PUM1: variants seen among roughly 807,000 people sequenced by gnomAD.
The protein encoded by PUM1 is pumilio homolog 1.
PUM1 carries 13 observed loss-of-function variants against 131.8 expected under a neutral mutation model. The ratio of observed to expected loss-of-function variants is 0.10; its 90% CI spans 0.06 to 0.16. The LOEUF is 0.16. Among genes scored for constraint, PUM1 ranks in the 10% least tolerant of loss-of-function variants. The pLI is 1.00. For synonymous variants in PUM1, 509 were observed against 556.5 expected (o/e 0.91, Z 1.20); for missense variants, 961 against 1,512.4 (o/e 0.64, Z 6.05).
intron 14 of PUM1, among the ~76,000 whole-genome samples, chr1:30,960,735 G>C (rs1420539392): frequency 1.3e-5 from 2 of 152,090 alleles, no homozygotes; most frequent in African/African-American, 4.8e-5. Flanking sequence ...AATGGTGCTA[G>C]GACAACTAGA....
chr1:30,947,922 G>GGCT (rs1174343520), intron 17 of PUM1, among the ~76,000 whole-genome samples: 1 of 146,618 alleles, frequency 6.8e-6, no homozygotes, highest in Admixed American at 6.9e-5. Context: ...CTGTCACCCA[G>GGCT]GCTGCTCACT....
chr1:30,936,985 C>G, intron 20 of PUM1, 150 bp from the exon 21 acceptor site: 1 of 657,364 alleles, frequency 1.5e-6, no homozygotes, highest in South Asian at 2.0e-5. Flanking sequence ...CTGTCTGACT[C>G]TCTCAGTCTC....
In PUM1 at chr1:30,933,350, G is replaced by A. The variant is rs780370626; in HGVS notation, c.3436-8C>T. On this transcript the variant is annotated splice_region_variant and splice_polypyrimidine_tract_variant and intron_variant, in intron 21 of 21. Transcript: ENST00000426105. ...TGCGATGTGGGGCCGGATCTGGGGA[G>A]GAAAGACAGTCTGTGTTACATGGCC... is the stretch of plus-strand genomic sequence containing the variant. 5.0e-6 allele frequency: 8 copies of A among 1,610,914 alleles called. No individual in the cohort carries two copies. Among genetic ancestry groups the A allele is most frequent in the South Asian group, 1.1e-5 (1 of 91,016 alleles).
At chr1:30,971,109 A>G (rs561697776) in intron 10 of PUM1, among the ~76,000 whole-genome samples, 1 of 152,350 alleles carries the variant, frequency 6.6e-6, no homozygotes, top group Non-Finnish European at 1.5e-5. Flanking sequence ...TGGAAACAAA[A>G]TATACAGTTT....
chr1:31,065,351 C>T (rs1644459881), intron 1 of PUM1, among the ~76,000 whole-genome samples: 1 of 152,192 alleles, frequency 6.6e-6, no homozygotes, highest in Non-Finnish European at 1.5e-5. Flanking sequence ...CGTCTACGCC[C>T]TGGGCTCGGG....
At position 31,051,302 on chromosome 1, in the gene PUM1, A is replaced by AT. The variant is rs35765126; in HGVS notation, c.363+7901dup. Reference sequence around the variant, plus strand: ...GAGTCAAAATATATTCATCCACTGAATTTTTTTTTTTTTTTTTTGAGACGG... The same window carrying AT: ...GAGTCAAAATATATTCATCCACTGAATTTTTTTTTTTTTTTTTTTGAGACGG... On this transcript the variant is annotated intron_variant, in intron 2 of 21. Coordinates refer to ENST00000426105, the MANE Select transcript of PUM1 (RefSeq NM_001020658.2). Among the ~76,000 whole-genome samples, 792 of 140,900 alleles carry AT rather than the reference A, an allele frequency of 5.6e-3. 1 individual carries two copies. The highest frequency in any genetic ancestry group is 8.8e-3 in the African/African-American group (341 of 38,586). The allele number at this position is 140,900 out of a possible 152,430, so 92.4% of individuals were successfully genotyped here.
intron 17 of PUM1, chr1:30,949,061 C>G: frequency 4.4e-6 from 2 of 452,226 alleles, no homozygotes; most frequent in South Asian, 3.1e-5. Flanking sequence ...CCACTGCCAA[C>G]ACCAGTGCAG....
At chr1:30,952,702 G>GGGGGGGGGGGGGGGGGC (rs1639995774) in intron 15 of PUM1, among the ~76,000 whole-genome samples, 1 of 70,610 alleles carries the variant, frequency 1.4e-5, no homozygotes, top group African/African-American at 4.8e-5. Flanking sequence ...GGCGGGAGGG[G>GGGGGGGGGGGGGGGGGC]CAGGGGTGCA....
intron 2 of PUM1, among the ~76,000 whole-genome samples, chr1:31,054,965 G>A (rs1330836208): frequency 6.6e-6 from 1 of 152,144 alleles, no homozygotes; most frequent in East Asian, 1.9e-4. Context: ...TGGTAACAAA[G>A]CCTCAGTTTC....
chr1:30,992,480 C>G lies in PUM1; in HGVS notation c.1068G>C (p.Glu356Asp). Residue 356 changes from glutamate (E) to aspartate (D), a missense_variant, in exon 7 of 22, where the codon GAG (glutamate) becomes GAC (aspartate). Coordinates refer to ENST00000426105, the MANE Select transcript of PUM1 (RefSeq NM_001020658.2). ...PLDPMEHVGM[E>D]PLQFDYSGTQ... The stretch of plus-strand genomic sequence containing the variant: ...TGCCTGAATAATCAAACTGAAGAGG[C>G]TCCATGCCCACATGTTCCATGGGGT... The G allele has an allele frequency of 6.2e-7, 1 of 1,614,220 alleles. No homozygotes were observed. The highest frequency in any genetic ancestry group is 8.5e-7 in the Non-Finnish European group (1 of 1,180,032).
At chr1:30,959,604 C>T (rs1048959762) in intron 14 of PUM1, among the ~76,000 whole-genome samples, 12 of 151,902 alleles carry the variant, frequency 7.9e-5, no homozygotes, top group Non-Finnish European at 1.2e-4. Flanking sequence ...GCCACATGAT[C>T]GTCAATTAAT....
chr1:30,944,070 A>G (rs1639569170), intron 18 of PUM1, among the ~76,000 whole-genome samples: 1 of 152,152 alleles, frequency 6.6e-6, no homozygotes, highest in Non-Finnish European at 1.5e-5. Context: ...TTTTTGTTGT[A>G]TAATTCCATA....
chr1:31,040,231 T>C (rs978196155), intron 2 of PUM1, among the ~76,000 whole-genome samples: 11 of 152,300 alleles, frequency 7.2e-5, no homozygotes, highest in Middle Eastern at 3.4e-3. Flanking sequence ...AGAATCTCTT[T>C]ATTGAAACAG....
intron 2 of PUM1, among the ~76,000 whole-genome samples, chr1:31,033,819 A>AT (rs937856714): frequency 1.3e-5 from 2 of 151,818 alleles, no homozygotes; most frequent in African/African-American, 4.8e-5. Context: ...ATTGTTTTTA[A>AT]TTTTTTTGTA....
chr1:30,955,874 C>T (rs1050576362), intron 14 of PUM1, among the ~76,000 whole-genome samples: 3 of 152,190 alleles, frequency 2.0e-5, no homozygotes, highest in Admixed American at 2.0e-4. Flanking sequence ...AAAATATTTA[C>T]TTAGTATTTG....
chr1:31,005,951 G>C lies in PUM1; in HGVS notation c.622C>G (p.Leu208Val). ...CCCCCACTCTCCGATCGTGGGGACA[G>C]TACAGAATTGACCTCACTGTTCACA... ...FHVNSEVNSVLSPRSESGGLG... is the reference protein window; with the variant it reads ...FHVNSEVNSVVSPRSESGGLG... The change falls in exon 5 of 22, where the codon CTG becomes GTG. Residue 208 changes from leucine (L) to valine (V), a missense_variant. Around this residue, in one of 4 missense-constraint regions of PUM1, gnomAD observed 654 missense variants for 923.9 expected, o/e 0.71. Coordinates refer to ENST00000426105, the MANE Select transcript of PUM1 (RefSeq NM_001020658.2). The C allele has an allele frequency of 6.2e-7, 1 of 1,613,838 alleles. No individual in the cohort carries two copies. Among genetic ancestry groups the C allele is most frequent in the Non-Finnish European group, 8.5e-7 (1 of 1,179,848 alleles).
intron 19 of PUM1, among the ~76,000 whole-genome samples, chr1:30,941,742 T>C (rs1351209099): frequency 6.6e-6 from 1 of 152,200 alleles, no homozygotes; most frequent in Non-Finnish European, 1.5e-5. Context: ...GGATTAAATG[T>C]CTACCTAAGG....
chr1:31,022,714 C>A (rs910844956), intron 3 of PUM1, among the ~76,000 whole-genome samples: 2 of 152,146 alleles, frequency 1.3e-5, no homozygotes, highest in Non-Finnish European at 2.9e-5. Flanking sequence ...AGTCATTAAC[C>A]TAAAATAAGC....
rs1392522233 is a variant in PUM1 at position 30,941,174 on chromosome 1, T to C, written c.3219A>G (p.Val1073=). Residue 1073 remains valine, a synonymous_variant, in exon 20 of 22, where the codon GTA becomes GTG. Coordinates refer to ENST00000426105, the MANE Select transcript of PUM1 (RefSeq NM_001020658.2). ...ACCTTGCAAATTTGTGCTGACTCAA[T>C]ACAAGTACATTGCCTCGGATTTCTG... The part of the protein sequence containing the change: ...IVAEIRGNVL[V]LSQHKFASNV... 5.0e-6 allele frequency: 8 copies of C among 1,613,674 alleles called. No homozygotes were observed. Among genetic ancestry groups the C allele is most frequent in the Non-Finnish European group, 6.8e-6 (8 of 1,179,806 alleles).
Sources: allele counts gnomAD v4.1 joint callset (sites outside exome capture counted in the v4.1 genomes callset), GRCh38; gene constraint gnomAD v4.1.1; regional missense constraint gnomAD v4.1.1; transcripts MANE v1.5; gene names NCBI Gene and HGNC (gene_info 2026-07-23, HGNC 2026-07-21).